The following LTO1 variants were observed in gnomAD, a reference collection of about 807,000 sequenced individuals.
LTO1 encodes LTO1 maturation factor of ABCE1.
Under a neutral mutation model 19.8 loss-of-function variants are expected in LTO1, and 18 were observed. That is an observed-to-expected ratio of 0.91 (90% CI 0.63 to 1.35). LTO1 has a LOEUF of 1.35. Among genes scored for constraint, LTO1 ranks in the 40% most tolerant of loss-of-function variants. LTO1 has a pLI of 0.00. For synonymous variants in LTO1, 59 were observed against 59.6 expected (o/e 0.99, Z 0.05); for missense variants, 175 against 167.9 (o/e 1.04, Z -0.23).
intron 1 of LTO1, among the ~76,000 whole-genome samples, chr11:69,674,308 CAG>C (rs1277826399): frequency 6.6e-6 from 1 of 152,176 alleles, no homozygotes; most frequent in Non-Finnish European, 1.5e-5. Flanking sequence ...GGTAGGGCAA[CAG>C]AGAGAAATGG....
At chr11:69,667,833 G>T in intron 4 of LTO1, 62 bp downstream of exon 4, 1 of 916,552 alleles carries the variant, frequency 1.1e-6, no homozygotes. Flanking sequence ...GGAGTGCGCT[G>T]CCCCGCCTGG....
rs1206729621 is a variant in LTO1, at chr11:69,667,939, T to C, written c.301A>G (p.Lys101Glu). Residue 101 changes from lysine (K) to glutamate (E), a missense_variant, in exon 4 of 5, where the codon AAA becomes GAA. Lys to Glu is a moderately conservative substitution (Grantham distance 56). Coordinates refer to ENST00000279147, the MANE Select transcript of LTO1 (RefSeq NM_153451.3). ...ATCTTGTCTAAGTCTTCATGGAGTT[T>C]ATCGTAAGTAGGGTCATCATAAGGG... is the stretch of plus-strand genomic sequence containing the variant. Reference protein sequence around the residue: ...KFPYDDPTYDKLHEDLDKIRG... With the variant: ...KFPYDDPTYDELHEDLDKIRG... 2.5e-6 allele frequency: 4 copies of C among 1,591,652 alleles called. No individual in the cohort carries two copies. In the Admixed American group the frequency reaches 6.7e-5, roughly 27 times the overall value.
At position 69,675,177 on chromosome 11, in the gene LTO1, C is replaced by A; in HGVS notation, c.50+13G>T. 6.3e-7 allele frequency: 1 copy of A among 1,581,036 alleles called. No homozygotes were observed. Among genetic ancestry groups the A allele is most frequent in the South Asian group, 1.2e-5 (1 of 86,880 alleles). On this transcript the variant is annotated intron_variant, in intron 1 of 4. Transcript: ENST00000279147. The stretch of plus-strand genomic sequence containing the variant: ...CAGACAGGGCGGGGTGCGGGCCCGG[C>A]CTCACCACCCACCTCTCATCCGCCA...
chr11:69,671,265 T>C (rs1263032573), intron 3 of LTO1: 1 of 155,664 alleles, frequency 6.4e-6, no homozygotes, highest in Admixed American at 6.3e-5. Flanking sequence ...GTTGACAAGT[T>C]CCAGAAAGGA....
At chr11:69,669,790 G>A (rs781558795) in intron 3 of LTO1, among the ~76,000 whole-genome samples, 5 of 152,164 alleles carry the variant, frequency 3.3e-5, no homozygotes, top group African/African-American at 9.7e-5. Flanking sequence ...TGCTGAAGCC[G>A]GGGACAGAAG....
chr11:69,666,458 C>T lies in LTO1; in HGVS notation c.*1061G>A, dbSNP rs1427922925. 1 of 152,286 alleles carries T rather than the reference C, an allele frequency of 6.6e-6. No homozygotes were observed. The highest frequency in any genetic ancestry group is 1.9e-4 in the East Asian group (1 of 5,180). The allele number at this position is 152,286 out of a possible 1,614,324, so 9.4% of individuals were successfully genotyped here. A position where few individuals can be genotyped will look rare whatever the true frequency, so the allele number is the denominator to read the frequency against. On this transcript the variant is annotated 3_prime_UTR_variant, in exon 5 of 5. Coordinates refer to ENST00000279147, the MANE Select transcript of LTO1 (RefSeq NM_153451.3). ...TGTGAACACGTGCCATCACATATGA[C>T]CACCACTCGCCTCGTGGGGACCCAC... is the stretch of plus-strand genomic sequence containing the variant.
intron 1 of LTO1, 126 bp downstream of exon 1, chr11:69,675,064 G>C: frequency 1.2e-6 from 1 of 814,000 alleles, no homozygotes; most frequent in Non-Finnish European, 2.1e-6. Context: ...ACGGCCACCA[G>C]GCGCTCCCCA....
chr11:69,667,539 C>T lies in LTO1; in HGVS notation c.394G>A (p.Gly132Ser), dbSNP rs896413133. 2.5e-6 allele frequency: 4 copies of T among 1,610,756 alleles called. No homozygotes were observed. The highest frequency in any genetic ancestry group is 3.4e-6 in the Non-Finnish European group (4 of 1,176,866). ...CCTCCTCAAAATGAAAGTCCGGAAC[C>T]TTCTGCACTAATTTTAAAGTCTGGC... is the stretch of plus-strand genomic sequence containing the variant. ...VQPDFKISAE[G>S]SGLSF is the part of the protein sequence containing the mutation. Residue 132 changes from glycine to serine, a missense_variant, in exon 5 of 5, where the codon GGT becomes AGT. Coordinates refer to ENST00000279147, the MANE Select transcript of LTO1 (RefSeq NM_153451.3).
chr11:69,675,053 C>CACGGCCACCAG (rs1856170105), intron 1 of LTO1, 137 bp downstream of exon 1: 2 of 767,182 alleles, frequency 2.6e-6, no homozygotes, highest in Admixed American at 2.2e-5. Context: ...TCCCTGCGTC[C>CACGGCCACCAG]ACGGCCACCA....
rs1341389315 is a variant in LTO1 at position 69,667,088 on chromosome 11, C to T, written c.*431G>A. The T allele has an allele frequency of 4.8e-5, 8 of 166,770 alleles. No individual in the cohort carries two copies. The highest frequency in any genetic ancestry group is 3.5e-4 in the East Asian group (2 of 5,752). 10.3% of individuals were successfully genotyped at this position (166,770 alleles called of 1,614,324 possible). A position where few individuals can be genotyped will look rare whatever the true frequency, so the allele number is the denominator to read the frequency against. ...CTGGCACACAATCGGCCTCGACATG[C>T]GGCACAGCACCCGTCCAAACCTCCC... On this transcript the variant is annotated 3_prime_UTR_variant, in exon 5 of 5. Coordinates refer to ENST00000279147, the MANE Select transcript of LTO1 (RefSeq NM_153451.3).
intron 2 of LTO1, chr11:69,672,971 T>C: frequency 6.1e-6 from 3 of 493,420 alleles, no homozygotes; most frequent in East Asian, 8.8e-5. Flanking sequence ...CCCAGCTAAT[T>C]CAGTATTTTT....
At chr11:69,674,457 G>A (rs1482309941) in intron 1 of LTO1, 1 of 284,516 alleles carries the variant, frequency 3.5e-6, no homozygotes, top group Non-Finnish European at 7.0e-6. Flanking sequence ...CCATGAAGCA[G>A]GGTGCATAGC....
chr11:69,667,927 C>T lies in LTO1; in HGVS notation c.313G>A (p.Asp105Asn), dbSNP rs766183727. ...DDPTYDKLHE[D>N]LDKIRGKFKQ... ...AATTTTCCTCTGATCTTGTCTAAGT[C>T]TTCATGGAGTTTATCGTAAGTAGGG... is the stretch of plus-strand genomic sequence containing the variant. The change falls in exon 4 of 5, where the codon GAC becomes AAC. Residue 105 changes from aspartate (D) to asparagine (N), a missense_variant. Asp to Asn is a conservative substitution (Grantham distance 23). Transcript: ENST00000279147. The T allele has an allele frequency of 6.3e-7, 1 of 1,576,400 alleles. No individual in the cohort carries two copies.
chr11:69,668,921 G>GCT (rs1469507723), intron 3 of LTO1, among the ~76,000 whole-genome samples: 1 of 151,728 alleles, frequency 6.6e-6, no homozygotes, highest in Non-Finnish European at 1.5e-5. Context: ...CCAGCTACTC[G>GCT]GGAGGCTGAG....
intron 3 of LTO1, among the ~76,000 whole-genome samples, chr11:69,670,029 A>C (rs1429843350): frequency 1.3e-5 from 2 of 151,392 alleles, no homozygotes; most frequent in African/African-American, 2.5e-5. Flanking sequence ...AAAAAAAAAA[A>C]CCTGACATGT....
At position 69,666,256 on chromosome 11, in the gene LTO1, G is replaced by T. The variant is rs1030738055; in HGVS notation, c.*1263C>A. The T allele has an allele frequency of 6.6e-6, 1 of 152,234 alleles. No individual in the cohort carries two copies. The highest frequency in any genetic ancestry group is 6.5e-5 in the Admixed American group (1 of 15,284). 9.4% of individuals were successfully genotyped at this position (152,234 alleles called of 1,614,324 possible). On this transcript the variant is annotated 3_prime_UTR_variant, in exon 5 of 5. Transcript: ENST00000279147. ...TCTGGCTCCTGCAGCCGGCAGCTTA[G>T]GCAGCACAACACAATCCACTAGGAC...
At chr11:69,675,108 G>C (rs1396804567) in intron 1 of LTO1, 82 bp downstream of exon 1, 1 of 1,310,258 alleles carries the variant, frequency 7.6e-7, no homozygotes, top group East Asian at 2.4e-5. Flanking sequence ...GGCTCCAGCA[G>C]CCGCCCTGGG....
At position 69,675,205 on chromosome 11, in the gene LTO1, A is replaced by G; in HGVS notation, c.35T>C (p.Val12Ala). 1 of 1,557,996 alleles carries G rather than the reference A, an allele frequency of 6.4e-7. No individual in the cohort carries two copies. Among genetic ancestry groups the G allele is most frequent in the Non-Finnish European group, 8.6e-7 (1 of 1,158,050 alleles). Residue 12 changes from valine (V) to alanine (A), a missense_variant, in exon 1 of 5, where the codon GTG (valine) becomes GCG (alanine). By Grantham distance (64) the Val-to-Ala change is moderately conservative (BLOSUM62 0). Transcript: ENST00000279147. ...AGSQDIFDAI[V>A]MADERFHGEG... Reference sequence around the variant, plus strand: ...CACCACCCACCTCTCATCCGCCATCACGATGGCATCGAATATGTCCTGACT... The same window carrying G: ...CACCACCCACCTCTCATCCGCCATCGCGATGGCATCGAATATGTCCTGACT...
chr11:69,671,900 G>A lies in LTO1; in HGVS notation c.157-81C>T. 1.4e-5 allele frequency: 12 copies of A among 847,846 alleles called. No individual in the cohort carries two copies. In the South Asian group the frequency reaches 1.6e-4, roughly 11 times the overall value. The allele number at this position is 847,846 out of a possible 1,614,324, so 52.5% of individuals were successfully genotyped here. On this transcript the variant is annotated intron_variant, in intron 2 of 4. Transcript: ENST00000279147. ...CATTACCAAGATCTCAAAACAAAAGGTGGGGGCAGAAGGCAGCGGTGCTTC... is the reference window on the plus strand; with the variant it reads ...CATTACCAAGATCTCAAAACAAAAGATGGGGGCAGAAGGCAGCGGTGCTTC...
Sources: allele counts gnomAD v4.1 joint callset (sites outside exome capture counted in the v4.1 genomes callset), GRCh38; gene constraint gnomAD v4.1.1; transcripts MANE v1.5; gene names NCBI Gene and HGNC (gene_info 2026-07-23, HGNC 2026-07-21).